The following PPP2R3A variants were observed in gnomAD, a reference collection of about 807,000 sequenced individuals.
PPP2R3A encodes serine/threonine-protein phosphatase 2A regulatory subunit B'' subunit alpha.
Under a neutral mutation model 106.9 loss-of-function variants are expected in PPP2R3A, and 80 were observed. That is an observed-to-expected ratio of 0.75 (90% CI 0.62 to 0.90). The LOEUF (loss-of-function observed/expected upper bound fraction) is 0.90. Among genes scored for constraint, PPP2R3A ranks in the 40% least tolerant of loss-of-function variants. The probability of loss-of-function intolerance (pLI) is 0.00; values close to 1 mark genes in which losing one functional copy is unlikely to be tolerated. For synonymous variants in PPP2R3A, 483 were observed against 468.3 expected (o/e 1.03, Z -0.41); for missense variants, 1,386 against 1,350.4 (o/e 1.03, Z -0.41).
At chr3:135,991,584 A>G (rs1358015156) in intron 1 of PPP2R3A, among the ~76,000 whole-genome samples, 5 of 149,654 alleles carry the variant, frequency 3.3e-5, no homozygotes, top group African/African-American at 1.3e-4. Flanking sequence ...TACTTCCCAT[A>G]TCAAATAATA....
chr3:136,051,312 A>G (rs916111036), intron 5 of PPP2R3A, among the ~76,000 whole-genome samples: 2 of 152,080 alleles, frequency 1.3e-5, no homozygotes, highest in African/African-American at 4.8e-5. Context: ...AGTTGTATTC[A>G]TGGCTGCCAT....
intron 5 of PPP2R3A, chr3:136,055,904 G>GC (rs1309749558): frequency 1.0e-5 from 4 of 387,436 alleles, no homozygotes; most frequent in African/African-American, 8.1e-5. Context: ...TTAAGAGTAG[G>GC]CTATGCATAG....
rs145780499 is a variant in PPP2R3A at position 136,034,501 on chromosome 3, G to A, written c.2263-6358G>A. Among the ~76,000 whole-genome samples, 426 of 152,268 alleles carry A rather than the reference G, an allele frequency of 2.8e-3. 1 individual carries two copies. Among genetic ancestry groups the A allele is most frequent in the East Asian group, 0.027 (142 of 5,192 alleles). ...TGACCCAGTGATCATTCAGGAGCAGGTTATTTAATTTCCATGTATTTGCAT... is the reference window on the plus strand; with the variant it reads ...TGACCCAGTGATCATTCAGGAGCAGATTATTTAATTTCCATGTATTTGCAT... On this transcript the variant is annotated intron_variant, in intron 3 of 13. Coordinates refer to ENST00000264977, the MANE Select transcript of PPP2R3A (RefSeq NM_002718.5).
In PPP2R3A at chr3:136,071,057, G is replaced by A. The variant is rs114012746; in HGVS notation, c.2544+505G>A. Among the ~76,000 whole-genome samples, 683 of 152,318 alleles carry A rather than the reference G, an allele frequency of 4.5e-3. 4 individuals are homozygous for A. Among genetic ancestry groups the A allele is most frequent in the African/African-American group, 0.016 (651 of 41,562 alleles). Reference sequence around the variant, plus strand: ...CTGTTTCTCAGGCACAGCCTCATTTGGTCAGTCCCAGTTAGGTCAGGAATT... The same window carrying A: ...CTGTTTCTCAGGCACAGCCTCATTTAGTCAGTCCCAGTTAGGTCAGGAATT... On this transcript the variant is annotated intron_variant, in intron 6 of 13. Transcript: ENST00000264977.
At chr3:136,032,899 C>T (rs1456392238) in intron 3 of PPP2R3A, among the ~76,000 whole-genome samples, 1 of 152,186 alleles carries the variant, frequency 6.6e-6, no homozygotes, top group Non-Finnish European at 1.5e-5. Context: ...CTGACTAGGA[C>T]TTCCAGTACT....
intron 5 of PPP2R3A, among the ~76,000 whole-genome samples, chr3:136,064,885 CATTTT>C (rs1936211463): frequency 6.6e-6 from 1 of 151,992 alleles, no homozygotes; most frequent in Non-Finnish European, 1.5e-5. Context: ...ATCACAAAAA[CATTTT>C]AGTTTATAGC....
At chr3:136,114,395 T>TCCCCATA (rs1937660071) in intron 13 of PPP2R3A, among the ~76,000 whole-genome samples, 1 of 152,096 alleles carries the variant, frequency 6.6e-6, no homozygotes, top group African/African-American at 2.4e-5. Flanking sequence ...GTTTTGTTTT[T>TCCCCATA]CCCCATACCC....
chr3:136,019,588 A>G (rs1350936754), intron 2 of PPP2R3A, among the ~76,000 whole-genome samples: 1 of 152,200 alleles, frequency 6.6e-6, no homozygotes, highest in Non-Finnish European at 1.5e-5. Context: ...TTGGTGCTAT[A>G]TTCCAGTTGT....
At chr3:136,050,033 T>G (rs560914807) in intron 5 of PPP2R3A, among the ~76,000 whole-genome samples, 2 of 152,312 alleles carry the variant, frequency 1.3e-5, no homozygotes, top group African/African-American at 2.4e-5. Flanking sequence ...AAGCTCTAAA[T>G]GTACTCTAGT....
At position 136,145,595 on chromosome 3, in the gene PPP2R3A, A is replaced by G. The variant is rs1576346794; in HGVS notation, c.*429A>G. On this transcript the variant is annotated 3_prime_UTR_variant, in exon 14 of 14. Coordinates refer to ENST00000264977, the MANE Select transcript of PPP2R3A (RefSeq NM_002718.5). ...TGAGTCAGAAAATTCTGGAACTTGA[A>G]AAAGTAGTAAGGGCCTCCAGAATTG... 6.5e-6 allele frequency: 1 copy of G among 153,254 alleles called. No individual in the cohort carries two copies. The highest frequency in any genetic ancestry group is 1.9e-4 in the East Asian group (1 of 5,200). 9.5% of individuals were successfully genotyped at this position (153,254 alleles called of 1,614,324 possible). A position where few individuals can be genotyped will look rare whatever the true frequency, so the allele number is the denominator to read the frequency against.
intron 3 of PPP2R3A, among the ~76,000 whole-genome samples, chr3:136,030,742 G>T (rs1934840309): frequency 7.9e-6 from 1 of 126,168 alleles, no homozygotes; most frequent in Admixed American, 7.9e-5. Flanking sequence ...CCTTTTTATG[G>T]CTGAGTAGTA....
chr3:136,097,184 T>C (rs2107957859), intron 10 of PPP2R3A, among the ~76,000 whole-genome samples: 1 of 151,676 alleles, frequency 6.6e-6, no homozygotes, highest in East Asian at 1.9e-4. Context: ...GAAGATCAGT[T>C]ACCTTTGGTA....
At chr3:136,075,066 C>G (rs561019894) in intron 6 of PPP2R3A, among the ~76,000 whole-genome samples, 1 of 152,146 alleles carries the variant, frequency 6.6e-6, no homozygotes, top group Admixed American at 6.5e-5. Flanking sequence ...ACTTCTATGT[C>G]TGTATTTAAT....
intron 2 of PPP2R3A, among the ~76,000 whole-genome samples, chr3:136,018,823 G>A (rs1934366573): frequency 1.3e-5 from 2 of 152,214 alleles, no homozygotes; most frequent in South Asian, 2.1e-4. Flanking sequence ...GAGGGAACCT[G>A]TAAAACTCAT....
intron 2 of PPP2R3A, among the ~76,000 whole-genome samples, chr3:136,007,953 C>T (rs1933905627): frequency 6.6e-6 from 1 of 152,134 alleles, no homozygotes; most frequent in Non-Finnish European, 1.5e-5. Context: ...TTGCTTTCTT[C>T]TAACCCTGAG....
chr3:136,145,911 TTA>T lies in PPP2R3A; in HGVS notation c.*747_*748del, dbSNP rs1198026979. ...TACTTGGAAAAAGCCCTTTTAACTT[TTA>T]TCTTTTATTCATTGAACTATTGAAT... is the stretch of plus-strand genomic sequence containing the variant. On this transcript the variant is annotated 3_prime_UTR_variant, in exon 14 of 14. Transcript: ENST00000264977. 1 of 152,228 alleles carries T rather than the reference TTA, an allele frequency of 6.6e-6. No individual in the cohort carries two copies. Among genetic ancestry groups the T allele is most frequent in the African/African-American group, 2.4e-5 (1 of 41,448 alleles). The allele number at this position is 152,228 out of a possible 1,614,324, so 9.4% of individuals were successfully genotyped here. A position where few individuals can be genotyped will look rare whatever the true frequency, so the allele number is the denominator to read the frequency against.
intron 10 of PPP2R3A, among the ~76,000 whole-genome samples, chr3:136,097,697 T>C (rs1937247875): frequency 6.6e-6 from 1 of 152,240 alleles, no homozygotes; most frequent in Non-Finnish European, 1.5e-5. Context: ...AGATTTACTT[T>C]ATTCCCTTTT....
At chr3:136,143,887 A>G (rs965092533) in intron 13 of PPP2R3A, among the ~76,000 whole-genome samples, 1 of 152,184 alleles carries the variant, frequency 6.6e-6, no homozygotes, top group Non-Finnish European at 1.5e-5. Context: ...ATTGGCCCCA[A>G]TTGGTACCTT....
intron 13 of PPP2R3A, among the ~76,000 whole-genome samples, chr3:136,136,063 A>T (rs1230025796): frequency 0.056 from 2,721 of 48,572 alleles, 263 homozygotes; most frequent in African/African-American, 0.13. Context: ...AAAAAAAAAA[A>T]AAAAAAAAAA....
Sources: allele counts gnomAD v4.1 joint callset (sites outside exome capture counted in the v4.1 genomes callset), GRCh38; gene constraint gnomAD v4.1.1; transcripts MANE v1.5; gene names NCBI Gene and HGNC (gene_info 2026-07-23, HGNC 2026-07-21).